The following SPPL2A variants were observed in gnomAD, a reference collection of about 807,000 sequenced individuals.
SPPL2A encodes the protein signal peptide peptidase-like 2A.
Under a neutral mutation model 63.8 loss-of-function variants are expected in SPPL2A, and 51 were observed. The ratio of observed to expected loss-of-function variants is 0.80; its 90% CI spans 0.64 to 1.01. The LOEUF is 1.01. Ranked by LOEUF, SPPL2A falls within the 50% of genes least tolerant of loss-of-function variation. The pLI is 0.00. For missense variants in SPPL2A, 553 were observed against 622.7 expected (o/e 0.89, Z 1.19); for synonymous variants, 188 against 205.8 (o/e 0.91, Z 0.74).
At position 50,749,703 on chromosome 15, in the gene SPPL2A, G is replaced by A. The variant is rs755798884; in HGVS notation, c.110C>T (p.Thr37Ile). 1.7e-5 allele frequency: 28 copies of A among 1,613,676 alleles called. No individual in the cohort carries two copies. In the South Asian group the frequency reaches 3.1e-4, roughly 18 times the overall value. ...ATAAAGCATGCAGTAGTCCTTGGTT[G>A]TGCCATTTCCAGACGCATGCAAGAT... ...EAILHASGNGTTKDYCMLYNP... is the reference protein window; with the variant it reads ...EAILHASGNGITKDYCMLYNP... The change falls in exon 2 of 15, where the codon ACA becomes ATA. Residue 37 changes from threonine (T) to isoleucine (I), a missense_variant. By Grantham distance (89) the Thr-to-Ile change is moderately conservative (BLOSUM62 -1). Transcript: ENST00000261854.
Position 50,703,734 on chromosome 15 carries a change from A to T in SPPL2A, c.*4066T>A, listed in dbSNP as rs998719976. 2.0e-5 allele frequency: 3 copies of T among 152,014 alleles called. No homozygotes were observed. The highest frequency in any genetic ancestry group is 7.2e-5 in the African/African-American group (3 of 41,390). 9.4% of individuals were successfully genotyped at this position (152,014 alleles called of 1,614,324 possible). A position where few individuals can be genotyped will look rare whatever the true frequency, so the allele number is the denominator to read the frequency against. On this transcript the variant is annotated 3_prime_UTR_variant, in exon 15 of 15. Transcript: ENST00000261854. ...AGGATAAATGCTTGAGGGAATGGATACCCCATTCTCCATGATCCGCTTATT... is the reference window on the plus strand; with the variant it reads ...AGGATAAATGCTTGAGGGAATGGATTCCCCATTCTCCATGATCCGCTTATT...
intron 14 of SPPL2A, among the ~76,000 whole-genome samples, chr15:50,718,317 C>G (rs554413739): frequency 1.3e-5 from 2 of 152,170 alleles, no homozygotes; most frequent in South Asian, 4.2e-4. Flanking sequence ...AGGCCTCTTT[C>G]CAACTTGATC....
Position 50,720,048 on chromosome 15 carries a change from CT to C in SPPL2A, c.1379del (p.Lys460ArgfsTer9). 1.2e-6 allele frequency: 2 copies of C among 1,613,698 alleles called. No individual in the cohort carries two copies. Among genetic ancestry groups the C allele is most frequent in the Non-Finnish European group, 1.7e-6 (2 of 1,179,820 alleles). ...CTAAATAGAGGAGAGCAGGTTGCCC[CT>C]TTTTCATCAGCACCAGAACAACAAA... ...LTFVVLVLMK[K>X]GQPALLYLVP... is the part of the protein sequence containing the mutation. On this transcript the variant is annotated frameshift_variant, in exon 14 of 15. Transcript: ENST00000261854. LOFTEE classifies it high-confidence loss of function.
chr15:50,739,278 G>A (rs1386585082), intron 6 of SPPL2A, among the ~76,000 whole-genome samples: 3 of 149,294 alleles, frequency 2.0e-5, no homozygotes, highest in African/African-American at 4.9e-5. Context: ...TCCCAGGTTC[G>A]AGCGATTCTC....
At chr15:50,715,563 C>T (rs182220706) in intron 14 of SPPL2A, among the ~76,000 whole-genome samples, 1 of 135,256 alleles carries the variant, frequency 7.4e-6, no homozygotes. Context: ...GATATGGAAG[C>T]TACAAAGAAA....
chr15:50,755,305 G>A (rs1161059190), intron 1 of SPPL2A, among the ~76,000 whole-genome samples: 2 of 146,622 alleles, frequency 1.4e-5, no homozygotes, highest in Non-Finnish European at 3.0e-5. Context: ...GTGACAGAAC[G>A]AGACTCTGTC....
chr15:50,725,542 TGCCTCAGCCTCCCAAGTA>T (rs1739332647), intron 11 of SPPL2A: 1 of 349,302 alleles, frequency 2.9e-6, no homozygotes, highest in Non-Finnish European at 5.2e-6. Flanking sequence ...GCAATTCTCC[TGCCTCAGCCTCCCAAGTA>T]GCTGGGATTA....
At chr15:50,736,614 AT>A in intron 7 of SPPL2A, 29 bp downstream of exon 7, 1 of 1,259,726 alleles carries the variant, frequency 7.9e-7, no homozygotes, top group Non-Finnish European at 1.1e-6. Context: ...AAACACCAAC[AT>A]TATAAGATTT....
rs546945967 is a variant in SPPL2A, at chr15:50,703,834, A to T, written c.*3966T>A. On this transcript the variant is annotated 3_prime_UTR_variant, in exon 15 of 15. Coordinates refer to ENST00000261854, the MANE Select transcript of SPPL2A (RefSeq NM_032802.4). ...ACACCTACATGTACCCACAATTTTT[A>T]AAAATGTAAAAATAGTAATTTTTGC... 6.6e-6 allele frequency: 1 copy of T among 152,212 alleles called. No individual in the cohort carries two copies. The highest frequency in any genetic ancestry group is 1.9e-4 in the East Asian group (1 of 5,178). The allele number at this position is 152,212 out of a possible 1,614,324, so 9.4% of individuals were successfully genotyped here. A position where few individuals can be genotyped will look rare whatever the true frequency, so the allele number is the denominator to read the frequency against.
chr15:50,765,497 C>A lies in SPPL2A; in HGVS notation c.37G>T (p.Ala13Ser). Residue 13 changes from alanine (A) to serine (S), a missense_variant, in exon 1 of 15, where the codon GCC (alanine) becomes TCC (serine). Ala to Ser is a moderately conservative substitution (Grantham distance 99, BLOSUM62 1). Coordinates refer to ENST00000261854, the MANE Select transcript of SPPL2A (RefSeq NM_032802.4). ...TGGAGCAGGAAGCCCCAGAGTAGGG[C>A]GGCCCCGGCAGGGGACAGCCGCCGC... ...PQRRLSPAGA[A>S]LLWGFLLQLT... 6.7e-7 allele frequency: 1 copy of A among 1,502,648 alleles called. No individual in the cohort carries two copies. Among genetic ancestry groups the A allele is most frequent in the Non-Finnish European group, 8.8e-7 (1 of 1,133,390 alleles). 93.1% of individuals were successfully genotyped at this position (1,502,648 alleles called of 1,614,324 possible).
intron 10 of SPPL2A, among the ~76,000 whole-genome samples, chr15:50,729,242 C>T (rs915905626): frequency 6.6e-5 from 10 of 152,210 alleles, no homozygotes; most frequent in South Asian, 2.1e-4. Flanking sequence ...CATTAGCCAC[C>T]GCACCTGGCC....
chr15:50,723,840 G>C (rs1453968280), intron 12 of SPPL2A, among the ~76,000 whole-genome samples: 2 of 152,186 alleles, frequency 1.3e-5, no homozygotes, highest in African/African-American at 4.8e-5. Context: ...TTTCTTGTAA[G>C]AAATTTGTTG....
chr15:50,733,114 T>G (rs535660258), intron 8 of SPPL2A, among the ~76,000 whole-genome samples: 2 of 152,276 alleles, frequency 1.3e-5, no homozygotes, highest in East Asian at 1.9e-4. Flanking sequence ...CAGACATAAG[T>G]GCATTAACAC....
intron 1 of SPPL2A, among the ~76,000 whole-genome samples, chr15:50,763,289 C>T (rs193006622): frequency 5.3e-5 from 8 of 151,414 alleles, no homozygotes; most frequent in East Asian, 1.9e-4. Flanking sequence ...TCTCAGAACA[C>T]GAAAGGAATG....
chr15:50,733,604 G>A (rs2062747280), intron 8 of SPPL2A, among the ~76,000 whole-genome samples: 1 of 152,044 alleles, frequency 6.6e-6, no homozygotes, highest in Non-Finnish European at 1.5e-5. Flanking sequence ...CATTGGTCTT[G>A]GCAAAGATTT....
At chr15:50,749,780 T>C (rs767205016) in intron 1 of SPPL2A, 34 bp from the exon 2 acceptor site, 2 of 1,286,342 alleles carry the variant, frequency 1.6e-6, no homozygotes, top group East Asian at 2.3e-5. Flanking sequence ...AAACTTGCAA[T>C]GTTATGGCTT....
At chr15:50,743,638 C>T (rs1461117809) in intron 5 of SPPL2A, among the ~76,000 whole-genome samples, 1 of 152,016 alleles carries the variant, frequency 6.6e-6, no homozygotes, top group African/African-American at 2.4e-5. Flanking sequence ...TGAGCCACCA[C>T]GCCTGGCCTG....
chr15:50,745,197 T>A (rs7166544), intron 5 of SPPL2A, among the ~76,000 whole-genome samples: 1 of 152,016 alleles, frequency 6.6e-6, no homozygotes, highest in East Asian at 1.9e-4. Context: ...GTCACCCAGC[T>A]TGGAGTGCAA....
At chr15:50,762,045 G>C (rs1382621948) in intron 1 of SPPL2A, among the ~76,000 whole-genome samples, 2 of 152,096 alleles carry the variant, frequency 1.3e-5, no homozygotes, top group African/African-American at 4.8e-5. Context: ...CCAGGGTCGA[G>C]GTTGAACTGG....
Sources: allele counts gnomAD v4.1 joint callset (sites outside exome capture counted in the v4.1 genomes callset), GRCh38; gene constraint gnomAD v4.1.1; transcripts MANE v1.5; gene names NCBI Gene and HGNC (gene_info 2026-07-23, HGNC 2026-07-21).